Variants in AMACR observed in about 807,000 individuals in gnomAD.
The protein encoded by AMACR is alpha-methylacyl-CoA racemase.
AMACR carries 18 observed loss-of-function variants against 22.2 expected under a neutral mutation model. The observed-to-expected ratio is 0.81, with a 90% CI of 0.56 to 1.20. AMACR has a LOEUF of 1.20. Among genes scored for constraint, AMACR ranks in the 50% most tolerant of loss-of-function variants. The pLI is 0.00. For missense variants in AMACR, 499 were observed against 490.6 expected (o/e 1.02, Z -0.16); for synonymous variants, 213 against 191.3 (o/e 1.11, Z -0.94).
At chr5:33,990,705 T>G (rs867945326) in intron 4 of AMACR, among the ~76,000 whole-genome samples, 5 of 152,250 alleles carry the variant, frequency 3.3e-5, no homozygotes, top group African/African-American at 4.8e-5. Context: ...ACCTTCCTTC[T>G]GTAGCATGTT....
intron 4 of AMACR, chr5:33,997,633 C>A (rs1561041466): frequency 2.8e-6 from 2 of 704,442 alleles, no homozygotes. Context: ...GCAGCCAGAG[C>A]TTCCAATTTA....
intron 3 of AMACR, 67 bp downstream of exon 3, chr5:34,004,507 G>A: frequency 6.3e-7 from 1 of 1,595,578 alleles, no homozygotes; most frequent in Non-Finnish European, 8.6e-7. Flanking sequence ...TTCAAAAAAA[G>A]GATTTTAAGC....
rs199576063 is a variant in AMACR at position 33,998,624 on chromosome 5, G to A, written c.739+17C>T. The A allele has an allele frequency of 1.2e-5, 19 of 1,591,794 alleles. 1 individual carries two copies. Among genetic ancestry groups the A allele is most frequent in the South Asian group, 1.1e-4 (10 of 88,352 alleles). On this transcript the variant is annotated intron_variant, in intron 4 of 4. Coordinates refer to ENST00000335606, the MANE Select transcript of AMACR (RefSeq NM_014324.6). Reference sequence around the variant, plus strand: ...CAGCAAAAGGGGAACTGGGGGAGACGCGTGAAGTTCACTTACCTTTGATCA... The same window carrying A: ...CAGCAAAAGGGGAACTGGGGGAGACACGTGAAGTTCACTTACCTTTGATCA...
chr5:33,996,580 G>T (rs763424340), intron 4 of AMACR, among the ~76,000 whole-genome samples: 1 of 152,116 alleles, frequency 6.6e-6, no homozygotes, highest in Non-Finnish European at 1.5e-5. Context: ...GAAGTCAGGA[G>T]TTCAAGATCA....
Position 34,007,981 on chromosome 5 carries a change from G to T in AMACR, c.39C>A (p.Gly13=). 1 of 1,611,614 alleles carries T rather than the reference G, an allele frequency of 6.2e-7. No homozygotes were observed. Among genetic ancestry groups the T allele is most frequent in the South Asian group, 1.1e-5 (1 of 91,068 alleles). The change falls in exon 1 of 5, where the codon GGC becomes GGA. Residue 13 remains glycine, a synonymous_variant. Transcript: ENST00000335606. ...LQGISVVELS[G]LAPGPFCAMV... ...TAGCACAGAACGGGCCCGGGGCCAGGCCGGACAGCTCCACGACCGAGATGC... is the reference window on the plus strand; with the variant it reads ...TAGCACAGAACGGGCCCGGGGCCAGTCCGGACAGCTCCACGACCGAGATGC...
At chr5:34,001,547 G>A (rs1159249868) in intron 3 of AMACR, among the ~76,000 whole-genome samples, 3 of 152,322 alleles carry the variant, frequency 2.0e-5, no homozygotes, top group Admixed American at 1.3e-4. Flanking sequence ...CATTATGTAA[G>A]AGAAACCTTT....
rs768638474 is a variant in AMACR, at chr5:33,998,835, A to G, written c.553-8T>C. The G allele has an allele frequency of 6.2e-7, 1 of 1,613,532 alleles. No individual in the cohort carries two copies. Among genetic ancestry groups the G allele is most frequent in the South Asian group, 1.1e-5 (1 of 91,072 alleles). On this transcript the variant is annotated splice_region_variant and splice_polypyrimidine_tract_variant and intron_variant, in intron 3 of 4. Coordinates refer to ENST00000335606, the MANE Select transcript of AMACR (RefSeq NM_014324.6). ...ATATGCTGTTCCTTCCACCTTTGAG[A>G]AAACAGAATACAAGACAAATCCAGA...
intron 4 of AMACR, among the ~76,000 whole-genome samples, chr5:33,993,390 A>G (rs1229447954): frequency 6.6e-6 from 1 of 152,198 alleles, no homozygotes; most frequent in Admixed American, 6.5e-5. Flanking sequence ...GAACACAGAT[A>G]TACAAATATA....
chr5:34,004,567 TA>T lies in AMACR; in HGVS notation c.552+6del. The T allele has an allele frequency of 1.9e-6, 3 of 1,614,060 alleles. No homozygotes were observed. Among genetic ancestry groups the T allele is most frequent in the Non-Finnish European group, 2.5e-6 (3 of 1,179,934 alleles). On this transcript the variant is annotated splice_donor_region_variant and intron_variant, in intron 3 of 4. Coordinates refer to ENST00000335606, the MANE Select transcript of AMACR (RefSeq NM_014324.6). ...AGTGGCAGGCATCTACCCCAATTAA[TA>T]CTTACCATATTTGCATCAATGACCT...
chr5:34,003,807 C>G (rs1346677466), intron 3 of AMACR, among the ~76,000 whole-genome samples: 3 of 152,216 alleles, frequency 2.0e-5, no homozygotes, highest in Non-Finnish European at 4.4e-5. Flanking sequence ...AGTCATTGGT[C>G]TCTGTACCTC....
rs890274867 is a variant in AMACR at position 33,988,131 on chromosome 5, G to A, written c.*962C>T. ...CTGATGGCACCCGGATTAGATTGTG[G>A]AATCTACCCCTTCCTCACATGCCTT... On this transcript the variant is annotated 3_prime_UTR_variant, in exon 5 of 5. Coordinates refer to ENST00000335606, the MANE Select transcript of AMACR (RefSeq NM_014324.6). 1 of 561,960 alleles carries A rather than the reference G, an allele frequency of 1.8e-6. No individual in the cohort carries two copies. The highest frequency in any genetic ancestry group is 3.1e-6 in the Non-Finnish European group (1 of 320,722). 34.8% of individuals were successfully genotyped at this position (561,960 alleles called of 1,614,324 possible). A position where few individuals can be genotyped will look rare whatever the true frequency, so the allele number is the denominator to read the frequency against.
intron 4 of AMACR, among the ~76,000 whole-genome samples, chr5:33,992,217 T>C (rs992940233): frequency 6.6e-6 from 1 of 151,968 alleles, no homozygotes; most frequent in Non-Finnish European, 1.5e-5. Flanking sequence ...GGAAAAAATG[T>C]AAATGAACTT....
At position 33,988,252 on chromosome 5, in the gene AMACR, T is replaced by C; in HGVS notation, c.*841A>G. 1 of 1,433,516 alleles carries C rather than the reference T, an allele frequency of 7.0e-7. No individual in the cohort carries two copies. Among genetic ancestry groups the C allele is most frequent in the South Asian group, 1.2e-5 (1 of 80,116 alleles). 88.8% of individuals were successfully genotyped at this position (1,433,516 alleles called of 1,614,324 possible). ...CAAAGACAGGTATAAGAAAGGCTTG[T>C]AACTTAACTCAGTCCAAGGAGACAC... On this transcript the variant is annotated 3_prime_UTR_variant, in exon 5 of 5. Coordinates refer to ENST00000335606, the MANE Select transcript of AMACR (RefSeq NM_014324.6).
intron 4 of AMACR, chr5:33,994,237 T>C (rs1387789216): frequency 3.1e-6 from 1 of 323,926 alleles, no homozygotes; most frequent in African/African-American, 2.2e-5. Flanking sequence ...TGGAGGGCAG[T>C]GATGCGATCT....
At chr5:34,004,489 T>C (rs1241223821) in intron 3 of AMACR, 85 bp downstream of exon 3, 1 of 1,553,784 alleles carries the variant, frequency 6.4e-7, no homozygotes, top group Non-Finnish European at 8.9e-7. Context: ...TTATCTCTTG[T>C]CTTCTTCTTC....
rs1398453578 is a variant in AMACR at position 33,989,589 on chromosome 5, A to T, written c.740-87T>A. 22 of 1,101,692 alleles carry T rather than the reference A, an allele frequency of 2.0e-5. No homozygotes were observed. In the East Asian group the frequency reaches 5.5e-4, roughly 27 times the overall value. The allele number at this position is 1,101,692 out of a possible 1,614,324, so 68.2% of individuals were successfully genotyped here. ...AAATGAATGCTGAGCCCACTGTACT[A>T]TGCAAAATAAGATGTTCTATAAGGG... On this transcript the variant is annotated intron_variant, in intron 4 of 4. Coordinates refer to ENST00000335606, the MANE Select transcript of AMACR (RefSeq NM_014324.6).
Position 34,005,823 on chromosome 5 carries a change from A to G in AMACR, c.324T>C (p.Ser108=), listed in dbSNP as rs150819480. The G allele has an allele frequency of 1.2e-6, 2 of 1,614,098 alleles. No homozygotes were observed. Among genetic ancestry groups the G allele is most frequent in the East Asian group, 4.5e-5 (2 of 44,878 alleles). ...AGAAGCTTCCTGACTGGCCAAATCC[A>G]CTCAGCCTGGCATAAATAAGCCTTG... is the stretch of plus-strand genomic sequence containing the variant. The part of the protein sequence containing the change: ...ENPRLIYARL[S]GFGQSGSFCR... Residue 108 remains serine (S), a synonymous_variant, in exon 2 of 5, where the codon AGT becomes AGC. Transcript: ENST00000335606.
chr5:34,004,826 T>C, intron 2 of AMACR, 92 bp from the exon 3 acceptor site: 1 of 1,426,026 alleles, frequency 7.0e-7, no homozygotes, highest in Non-Finnish European at 9.7e-7. Context: ...AATCAATCTC[T>C]CCAGCAGATA....
intron 4 of AMACR, among the ~76,000 whole-genome samples, chr5:33,992,146 T>A (rs547376439): frequency 6.6e-6 from 1 of 152,056 alleles, no homozygotes; most frequent in African/African-American, 2.4e-5. Flanking sequence ...CCCAAAGTGC[T>A]GGGATTACAG....
Sources: gnomAD v4.1 joint callset for allele counts (sites outside exome capture counted in the v4.1 genomes callset) on GRCh38, gnomAD v4.1.1 for gene constraint, MANE v1.5 for transcripts, NCBI Gene and HGNC (gene_info 2026-07-23, HGNC 2026-07-21) for gene names.